The following OPN3 variants were observed in gnomAD, a reference collection of about 807,000 sequenced individuals.
OPN3 encodes opsin-3.
In OPN3, 29 loss-of-function variants were observed where a neutral mutation model predicts 33.8. The ratio of observed to expected loss-of-function variants is 0.86; its 90% CI spans 0.64 to 1.17. The LOEUF (loss-of-function observed/expected upper bound fraction) is 1.17. Among genes scored for constraint, OPN3 ranks in the 50% most tolerant of loss-of-function variants. OPN3 has a pLI of 0.00. For synonymous variants in OPN3, 216 were observed against 216.1 expected (o/e 1.00, Z 0.00); for missense variants, 437 against 514.1 (o/e 0.85, Z 1.45).
intron 1 of OPN3, among the ~76,000 whole-genome samples, chr1:241,606,370 C>T (rs371401865): frequency 2.2e-4 from 33 of 152,076 alleles, no homozygotes; most frequent in African/African-American, 7.7e-4. Context: ...ATGGCGAAAC[C>T]CTGTCTCTAC....
rs567249722 is a variant in OPN3 at position 241,640,108 on chromosome 1, G to A, written c.147C>T (p.Gly49=). The A allele has an allele frequency of 1.3e-5, 21 of 1,604,690 alleles. 2 individuals carry two copies. The Admixed American group carries it at 2.4e-4, about 18-fold the overall frequency. Residue 49 remains glycine (G), a synonymous_variant, in exon 1 of 4, where the codon GGC becomes GGT. Transcript: ENST00000366554. ...GTYERLALLL[G]SIGLLGVGNN... ...TGCCGACGCCCAGCAGCCCAATGGAGCCCAGCAGCAGCGCCAGGCGCTCGT... is the reference window on the plus strand; with the variant it reads ...TGCCGACGCCCAGCAGCCCAATGGAACCCAGCAGCAGCGCCAGGCGCTCGT...
chr1:241,633,631 A>C, intron 1 of OPN3: 1 of 721,336 alleles, frequency 1.4e-6, no homozygotes, highest in Non-Finnish European at 2.3e-6. Context: ...TTGATAGGTT[A>C]ACAAAGATAT....
At chr1:241,635,732 A>C (rs745981809) in intron 1 of OPN3, 4 of 1,613,302 alleles carry the variant, frequency 2.5e-6, no homozygotes, top group Non-Finnish European at 3.4e-6. Context: ...CCCTATTATA[A>C]CCACATCAAA....
chr1:241,615,923 C>A (rs1488654314), intron 1 of OPN3: 1 of 456,734 alleles, frequency 2.2e-6, no homozygotes, highest in Admixed American at 2.3e-5. Context: ...CTGCCTGAAG[C>A]TGGCTGATCC....
At chr1:241,614,069 G>A (rs1360474784) in intron 1 of OPN3, 1 of 152,162 alleles carries the variant, frequency 6.6e-6, no homozygotes, top group Non-Finnish European at 1.5e-5. Context: ...TTGGGAGGCT[G>A]AAGCAGGAGA....
At chr1:241,605,566 G>A (rs2148002026) in intron 1 of OPN3, among the ~76,000 whole-genome samples, 1 of 152,376 alleles carries the variant, frequency 6.6e-6, no homozygotes. Flanking sequence ...GCACTGTGCA[G>A]TGGATGGCCC....
intron 1 of OPN3, among the ~76,000 whole-genome samples, chr1:241,616,906 T>C (rs957025511): frequency 3.3e-5 from 5 of 152,226 alleles, no homozygotes; most frequent in African/African-American, 1.2e-4. Context: ...AGTCCTTACA[T>C]GATAATTTTT....
intron 1 of OPN3, among the ~76,000 whole-genome samples, chr1:241,624,324 A>T (rs934559705): frequency 1.3e-5 from 2 of 152,018 alleles, no homozygotes; most frequent in African/African-American, 4.8e-5. Flanking sequence ...CAGGTCAGGC[A>T]CTCCATGCTC....
Position 241,640,099 on chromosome 1 carries a change from C to T in OPN3, c.156G>A (p.Gly52=). ...GCAGGTTGTTGCCGACGCCCAGCAG[C>T]CCAATGGAGCCCAGCAGCAGCGCCA... ...ERLALLLGSI[G]LLGVGNNLLV... is the part of the protein sequence containing the mutation. The change falls in exon 1 of 4, where the codon GGG becomes GGA. Residue 52 remains glycine, a synonymous_variant. Transcript: ENST00000366554. The T allele has an allele frequency of 6.2e-7, 1 of 1,607,476 alleles. No individual in the cohort carries two copies. Among genetic ancestry groups the T allele is most frequent in the African/African-American group, 1.3e-5 (1 of 74,104 alleles).
At chr1:241,612,195 T>G (rs1297722140) in intron 1 of OPN3, among the ~76,000 whole-genome samples, 1 of 152,202 alleles carries the variant, frequency 6.6e-6, no homozygotes, top group African/African-American at 2.4e-5. Context: ...ATGGACTGTG[T>G]TTCAAATTCT....
chr1:241,619,039 T>TA (rs1025469637), intron 1 of OPN3, among the ~76,000 whole-genome samples: 12 of 152,002 alleles, frequency 7.9e-5, no homozygotes, highest in African/African-American at 2.9e-4. Flanking sequence ...AGTACATACT[T>TA]ACAATTCAGT....
At chr1:241,594,737 A>C (rs770877567) in intron 3 of OPN3, 46 bp from the exon 4 acceptor site, 8 of 1,586,972 alleles carry the variant, frequency 5.0e-6, no homozygotes, top group Non-Finnish European at 6.9e-6. Flanking sequence ...AAAGTTGGGC[A>C]CTAATCTGGA....
In OPN3 at chr1:241,603,838, T is replaced by A. The variant is rs976518137; in HGVS notation, c.693+422A>T. ...CCAACGTGAAATTGTTTGTGGTCAG[T>A]TCTTACCCTTTATGACTCTGGTGTG... On this transcript the variant is annotated intron_variant, in intron 2 of 3. Transcript: ENST00000366554. Among the ~76,000 whole-genome samples, 6 of 152,354 alleles carry A rather than the reference T, an allele frequency of 3.9e-5. No individual in the cohort carries two copies. The South Asian group carries it at 1.2e-3, about 32-fold the overall frequency.
chr1:241,610,545 T>A (rs1012402725), intron 1 of OPN3, among the ~76,000 whole-genome samples: 2 of 152,170 alleles, frequency 1.3e-5, no homozygotes, highest in Non-Finnish European at 2.9e-5. Context: ...TGTGCATCAG[T>A]TTGAGTCAAA....
chr1:241,615,095 C>T (rs1664091418), intron 1 of OPN3, among the ~76,000 whole-genome samples: 2 of 151,338 alleles, frequency 1.3e-5, no homozygotes, highest in Non-Finnish European at 2.9e-5. Flanking sequence ...TCCAGTATGA[C>T]CAGAGTCTAT....
At chr1:241,624,971 C>T (rs1664374622) in intron 1 of OPN3, among the ~76,000 whole-genome samples, 2 of 152,200 alleles carry the variant, frequency 1.3e-5, no homozygotes, top group South Asian at 4.1e-4. Context: ...ATGAGGATAA[C>T]ATAAAATAAA....
intron 1 of OPN3, among the ~76,000 whole-genome samples, chr1:241,610,665 A>G (rs1663966710): frequency 6.6e-6 from 1 of 152,252 alleles, no homozygotes; most frequent in Non-Finnish European, 1.5e-5. Context: ...CAATAAGAAA[A>G]AAAGATGAAT....
At chr1:241,616,373 T>A (rs1366482934) in intron 1 of OPN3, among the ~76,000 whole-genome samples, 1 of 152,158 alleles carries the variant, frequency 6.6e-6, no homozygotes, top group East Asian at 1.9e-4. Context: ...TCTGTGTATT[T>A]CTTGCACTAC....
intron 2 of OPN3, 93 bp downstream of exon 2, chr1:241,604,167 C>G (rs923723852): frequency 1.0e-5 from 12 of 1,178,152 alleles, no homozygotes; most frequent in African/African-American, 1.5e-5. Flanking sequence ...TGGGCAACTA[C>G]TGATGACATA....
Sources: allele counts gnomAD v4.1 joint callset (sites outside exome capture counted in the v4.1 genomes callset), GRCh38; gene constraint gnomAD v4.1.1; transcripts MANE v1.5; gene names NCBI Gene and HGNC (gene_info 2026-07-23, HGNC 2026-07-21).